Variants in GLUL observed in about 807,000 individuals in gnomAD.
The protein encoded by GLUL is glutamine synthetase.
A neutral mutation model predicts 36.9 loss-of-function variants in GLUL; 8 were observed. The ratio of observed to expected loss-of-function variants is 0.22; its 90% CI spans 0.13 to 0.39. The LOEUF (loss-of-function observed/expected upper bound fraction) is 0.39, where lower values mean the gene tolerates loss of function less well. GLUL is among the 10% of genes least tolerant of loss of function. The pLI, the probability that GLUL is intolerant of heterozygous loss-of-function variation, is 1.00. For missense variants in GLUL, 315 were observed against 501.8 expected (o/e 0.63, Z 3.56); for synonymous variants, 182 against 172.8 (o/e 1.05, Z -0.42).
chr1:182,387,597 A>C (rs896843343), intron 2 of GLUL, among the ~76,000 whole-genome samples: 1 of 152,156 alleles, frequency 6.6e-6, no homozygotes, highest in Non-Finnish European at 1.5e-5. Context: ...CCATCCTATC[A>C]ATCACTTAAA....
intron 6 of GLUL, chr1:182,385,044 G>C (rs79758387): frequency 1.7e-5 from 5 of 287,308 alleles, no homozygotes; most frequent in Admixed American, 1.5e-4. Flanking sequence ...CATGACATAT[G>C]TCACAAATAT....
At chr1:182,391,471 G>T in intron 1 of GLUL, 1 of 370,752 alleles carries the variant, frequency 2.7e-6, no homozygotes. Context: ...CCCCACCAGC[G>T]CCAGCCCCGA....
intron 1 of GLUL, chr1:182,391,028 A>G (rs956354672): frequency 5.0e-6 from 2 of 397,044 alleles, no homozygotes; most frequent in African/African-American, 2.1e-5. Flanking sequence ...GTGGGGGCGC[A>G]GGCCGTAGGG....
intron 6 of GLUL, chr1:182,385,095 T>C (rs1406332236): frequency 3.7e-6 from 1 of 273,938 alleles, no homozygotes; most frequent in Non-Finnish European, 6.9e-6. Context: ...ATGACTAATA[T>C]ATATTATATA....
chr1:182,389,311 C>G (rs1650311972), intron 1 of GLUL: 1 of 160,566 alleles, frequency 6.2e-6, no homozygotes, highest in South Asian at 1.6e-4. Flanking sequence ...GTCTTTCATC[C>G]TAGCTGTGGT....
chr1:182,381,727 A>G lies in GLUL; in HGVS notation c.*2678T>C, dbSNP rs1649934402. On this transcript the variant is annotated 3_prime_UTR_variant, in exon 7 of 7. Transcript: ENST00000331872. ...GCTCAGGTCACTGCCTCTTCAGTTTAGTGCTTACACTGTAGGATACACCAT... is the reference window on the plus strand; with the variant it reads ...GCTCAGGTCACTGCCTCTTCAGTTTGGTGCTTACACTGTAGGATACACCAT... 6.6e-6 allele frequency: 1 copy of G among 152,236 alleles called. No homozygotes were observed. The allele number at this position is 152,236 out of a possible 1,614,324, so 9.4% of individuals were successfully genotyped here. A position where few individuals can be genotyped will look rare whatever the true frequency, so the allele number is the denominator to read the frequency against.
rs927513095 is a variant in GLUL at position 182,384,294 on chromosome 1, C to T, written c.*111G>A. ...AACTGGGCACATGGAATGAAAAAAA[C>T]GACCTTGATATTCCACCCTTTGAGT... On this transcript the variant is annotated 3_prime_UTR_variant, in exon 7 of 7. Coordinates refer to ENST00000331872, the MANE Select transcript of GLUL (RefSeq NM_001033044.4). 10 of 796,964 alleles carry T rather than the reference C, an allele frequency of 1.3e-5. No homozygotes were observed. Among genetic ancestry groups the T allele is most frequent in the East Asian group, 2.7e-5 (1 of 37,676 alleles). The allele number at this position is 796,964 out of a possible 1,614,324, so 49.4% of individuals were successfully genotyped here.
Position 182,384,743 on chromosome 1 carries a change from T to C in GLUL, c.804-20A>G, listed in dbSNP as rs778173141. 8.8e-6 allele frequency: 14 copies of C among 1,597,524 alleles called. No homozygotes were observed. The highest frequency in any genetic ancestry group is 1.1e-5 in the South Asian group (1 of 90,764). ...ATGTACCTAGAGTAAACAGAAAAGATGGCAGTCCAACCTTGTCTCCAGGTA... is the reference window on the plus strand; with the variant it reads ...ATGTACCTAGAGTAAACAGAAAAGACGGCAGTCCAACCTTGTCTCCAGGTA... On this transcript the variant is annotated intron_variant, in intron 6 of 6. Transcript: ENST00000331872.
At position 182,380,398 on chromosome 1, in the gene GLUL, C is replaced by T. The variant is rs529860819; in HGVS notation, c.*4007G>A. 6.6e-6 allele frequency among the ~76,000 whole-genome samples: 1 copy of T among 152,300 alleles called. No individual in the cohort carries two copies. Among genetic ancestry groups the T allele is most frequent in the South Asian group, 2.1e-4 (1 of 4,818 alleles). On this transcript the variant is annotated 3_prime_UTR_variant, in exon 7 of 7. Coordinates refer to ENST00000331872, the MANE Select transcript of GLUL (RefSeq NM_001033044.4). ...TCACAATTCACTGCAGCTTCAATTT[C>T]CTGGGCTCAAGTCATCCTCCCATCT...
intron 1 of GLUL, chr1:182,391,222 C>A (rs903817207): frequency 2.6e-4 from 102 of 398,720 alleles, no homozygotes; most frequent in African/African-American, 2.0e-3. Context: ...AGAACCAGGA[C>A]GATTGCTCCG....
intron 1 of GLUL, chr1:182,389,192 G>A (rs1650307250): frequency 5.3e-6 from 1 of 187,820 alleles, no homozygotes; most frequent in Admixed American, 5.4e-5. Flanking sequence ...ACTATCAGAG[G>A]AAACAAATCA....
intron 1 of GLUL, chr1:182,390,251 C>T (rs1392954245): frequency 1.1e-5 from 4 of 349,368 alleles, no homozygotes; most frequent in African/African-American, 8.4e-5. Flanking sequence ...ACCTACAACC[C>T]AATTTCTCGG....
Position 182,383,649 on chromosome 1 carries a change from T to C in GLUL, c.*756A>G, listed in dbSNP as rs1344068160. ...TTCTAATCCGACTATTTGTCTCAAA[T>C]TTGGTGCCCCGTGACCTGGATGGTT... On this transcript the variant is annotated 3_prime_UTR_variant, in exon 7 of 7. Transcript: ENST00000331872. 1 of 152,232 alleles carries C rather than the reference T, an allele frequency of 6.6e-6. No individual in the cohort carries two copies. The highest frequency in any genetic ancestry group is 1.5e-5 in the Non-Finnish European group (1 of 68,058). The allele number at this position is 152,232 out of a possible 1,614,324, so 9.4% of individuals were successfully genotyped here.
At chr1:182,387,426 C>A in intron 2 of GLUL, 134 bp from the exon 3 acceptor site, 1 of 748,028 alleles carries the variant, frequency 1.3e-6, no homozygotes, top group East Asian at 2.7e-5. Flanking sequence ...GTATAAATGC[C>A]ATCATTAATA....
At position 182,388,645 on chromosome 1, in the gene GLUL, G is replaced by C. The variant is rs1464800402; in HGVS notation, c.93C>G (p.Ile31Met). The change falls in exon 2 of 7, where the codon ATC (isoleucine) becomes ATG (methionine). Residue 31 changes from isoleucine (I) to methionine (M), a missense_variant. Ile to Met is a conservative substitution (Grantham distance 10). Coordinates refer to ENST00000331872, the MANE Select transcript of GLUL (RefSeq NM_001033044.4). Reference sequence around the variant, plus strand: ...GTCCTTCTCCAGTACCATCGATCCAGATATACATGGCCTGGACTTTCTCAC... The same window carrying C: ...GTCCTTCTCCAGTACCATCGATCCACATATACATGGCCTGGACTTTCTCAC... ...PQGEKVQAMY[I>M]WIDGTGEGLR... 1 of 1,613,824 alleles carries C rather than the reference G, an allele frequency of 6.2e-7. No homozygotes were observed. Among genetic ancestry groups the C allele is most frequent in the East Asian group, 2.2e-5 (1 of 44,878 alleles).
In GLUL at chr1:182,378,862, C is replaced by T. The variant is rs1364760817; in HGVS notation, c.*5543G>A. On this transcript the variant is annotated 3_prime_UTR_variant, in exon 7 of 7. Coordinates refer to ENST00000331872, the MANE Select transcript of GLUL (RefSeq NM_001033044.4). ...GTGCAAGCTTGGCTCACTGCAACCT[C>T]CGGCTCTTGGGCTCAAGCGATTCTC... Among the ~76,000 whole-genome samples the T allele has an allele frequency of 1.3e-5, 2 of 152,118 alleles. No homozygotes were observed. Among genetic ancestry groups the T allele is most frequent in the Non-Finnish European group, 2.9e-5 (2 of 68,030 alleles).
chr1:182,384,457 C>A lies in GLUL; in HGVS notation c.1070G>T (p.Arg357Leu), dbSNP rs771096251. The change falls in exon 7 of 7, where the codon CGC becomes CTC. Residue 357 changes from arginine to leucine, a missense_variant. Transcript: ENST00000331872. ...GCCGGTTTCATTGAGAAGACACGTGCGGATGAGGGCTTCTGTCACCGAAAA... is the reference window on the plus strand; with the variant it reads ...GCCGGTTTCATTGAGAAGACACGTGAGGATGAGGGCTTCTGTCACCGAAAA... ...DPFSVTEALI[R>L]TCLLNETGDE... The A allele has an allele frequency of 1.2e-6, 2 of 1,613,698 alleles. No individual in the cohort carries two copies. Among genetic ancestry groups the A allele is most frequent in the Non-Finnish European group, 1.7e-6 (2 of 1,179,728 alleles).
chr1:182,387,540 T>C (rs956130968), intron 2 of GLUL, among the ~76,000 whole-genome samples: 3 of 152,296 alleles, frequency 2.0e-5, no homozygotes, highest in Admixed American at 1.3e-4. Context: ...GATACTCCCT[T>C]CCCAAATGTC....
rs4636415 is a variant in GLUL, at chr1:182,380,457, A to C, written c.*3948T>G. On this transcript the variant is annotated 3_prime_UTR_variant, in exon 7 of 7. Coordinates refer to ENST00000331872, the MANE Select transcript of GLUL (RefSeq NM_001033044.4). ...TGATAGCTGAGACTACAGGCGTGCA[A>C]TTTAAAAAAAAATTATTTTGTGGAG... is the stretch of plus-strand genomic sequence containing the variant. Among the ~76,000 whole-genome samples the C allele has an allele frequency of 0.28, 42,980 of 151,822 alleles. 6,337 individuals carry two copies. Among genetic ancestry groups the C allele is most frequent in the East Asian group, 0.44 (2,248 of 5,144 alleles).
Sources: allele counts gnomAD v4.1 joint callset (sites outside exome capture counted in the v4.1 genomes callset), GRCh38; gene constraint gnomAD v4.1.1; transcripts MANE v1.5; gene names NCBI Gene and HGNC (gene_info 2026-07-23, HGNC 2026-07-21).